BMP1: variants seen among roughly 807,000 people sequenced by gnomAD.
BMP1 encodes mammalian tolloid protein.
A neutral mutation model predicts 116.8 loss-of-function variants in BMP1; 63 were observed. That is an observed-to-expected ratio of 0.54 (90% confidence interval 0.44 to 0.67). The LOEUF is 0.67. BMP1 is among the 30% of genes least tolerant of loss of function. The pLI is 0.00. For missense variants in BMP1, 1,183 were observed against 1,358.9 expected, an observed-to-expected ratio of 0.87 and a Z score of 2.04; for synonymous variants, 536 against 533.4, an observed-to-expected ratio of 1.00 and a Z score of -0.07.
intron 2 of BMP1, among the ~76,000 whole-genome samples, chr8:22,174,332 T>C (rs913420441): frequency 1.3e-5 from 2 of 152,224 alleles, no homozygotes; most frequent in African/African-American, 4.8e-5. Flanking sequence ...TCACACCATA[T>C]TGAAAGGATT....
At chr8:22,196,474 C>T (rs941091430) in intron 13 of BMP1, 5 of 649,024 alleles carry the variant, frequency 7.7e-6, no homozygotes, top group Non-Finnish European at 8.1e-6. Flanking sequence ...CTTAGCTCCC[C>T]CACTCCTCCC....
intron 8 of BMP1, among the ~76,000 whole-genome samples, chr8:22,182,216 G>C (rs752186201): frequency 6.6e-6 from 1 of 152,202 alleles, no homozygotes; most frequent in Non-Finnish European, 1.5e-5. Flanking sequence ...TTTTGAATCA[G>C]AATTTCACCA....
chr8:22,205,298 G>C (rs1829332005), intron 16 of BMP1, among the ~76,000 whole-genome samples: 1 of 152,180 alleles, frequency 6.6e-6, no homozygotes, highest in Non-Finnish European at 1.5e-5. Context: ...TGGTCTGGGG[G>C]CCCAGGTGAG....
rs764280240 is a variant in BMP1, at chr8:22,209,675, G to C, written c.2806G>C (p.Gly936Arg). 6.2e-7 allele frequency: 1 copy of C among 1,613,946 alleles called. No homozygotes were observed. The highest frequency in any genetic ancestry group is 1.7e-5 in the Admixed American group (1 of 60,024). ...DGYDSTAPRLGRYCGSGPPEE... is the reference protein window; with the variant it reads ...DGYDSTAPRLRRYCGSGPPEE... The stretch of plus-strand genomic sequence containing the variant: ...CTACGACAGCACAGCCCCCAGGCTG[G>C]GGCGCTACTGTGGCTCAGGGGTGAG... The change falls in exon 19 of 20, where the codon GGG (glycine) becomes CGG (arginine). Residue 936 changes from glycine to arginine, a missense_variant. This residue lies in a region of BMP1 where 956 missense variants were observed against 1,135.2 expected (regional missense o/e 0.84). Coordinates refer to ENST00000306385, the MANE Select transcript of BMP1 (RefSeq NM_006129.5).
At chr8:22,169,352 G>T (rs1828210931) in intron 1 of BMP1, 1 of 152,278 alleles carries the variant, frequency 6.6e-6, no homozygotes. Context: ...TCTCACACAA[G>T]TGCATCCCTG....
intron 9 of BMP1, chr8:22,192,445 A>G: frequency 6.8e-6 from 2 of 294,458 alleles, no homozygotes; most frequent in Non-Finnish European, 6.5e-6. Flanking sequence ...GAATTGACTG[A>G]GAGAGACAGA....
chr8:22,185,568 G>A (rs191824325), intron 8 of BMP1, among the ~76,000 whole-genome samples: 9 of 152,190 alleles, frequency 5.9e-5, no homozygotes, highest in Non-Finnish European at 1.0e-4. Flanking sequence ...GGCAATATCC[G>A]CCCTCATTCC....
intron 8 of BMP1, among the ~76,000 whole-genome samples, chr8:22,181,819 T>C (rs1288954608): frequency 6.6e-6 from 1 of 152,204 alleles, no homozygotes; most frequent in Non-Finnish European, 1.5e-5. Flanking sequence ...GCTTCCAAAG[T>C]GCTGGGATTA....
chr8:22,186,191 G>A (rs1009956789), intron 8 of BMP1, among the ~76,000 whole-genome samples: 1 of 152,122 alleles, frequency 6.6e-6, no homozygotes, highest in Admixed American at 6.5e-5. Context: ...AGGCCAAAGG[G>A]ATCCCTCCCT....
intron 19 of BMP1, 75 bp from the exon 20 acceptor site, chr8:22,211,519 T>C: frequency 1.3e-6 from 2 of 1,597,582 alleles, no homozygotes; most frequent in African/African-American, 1.3e-5. Flanking sequence ...CCTTCAAAGC[T>C]GGGGATCTTG....
intron 15 of BMP1, chr8:22,199,095 C>G: frequency 7.3e-7 from 1 of 1,367,124 alleles, no homozygotes; most frequent in African/African-American, 1.5e-5. Context: ...ATGCCCTGGT[C>G]GACACTGTGC....
chr8:22,209,641 CT>C lies in BMP1; in HGVS notation c.2774del (p.Phe925SerfsTer32), dbSNP rs1284489332. 4 of 1,614,136 alleles carry C rather than the reference CT, an allele frequency of 2.5e-6. No homozygotes were observed. The highest frequency in any genetic ancestry group is 3.4e-6 in the Non-Finnish European group (4 of 1,180,024). On this transcript the variant is annotated frameshift_variant, in exon 19 of 20. Transcript: ENST00000306385. LOFTEE classifies it high-confidence loss of function. Reference sequence around the variant, plus strand: ...ACTGCGGCTATGACTACATGGAGCTCTTCGACGGCTACGACAGCACAGCCCC... The same window carrying C: ...ACTGCGGCTATGACTACATGGAGCTCTCGACGGCTACGACAGCACAGCCCC... ...TDCGYDYMEL[F>X]DGYDSTAPRL...
At chr8:22,201,320 C>A in intron 15 of BMP1, 5 of 1,506,830 alleles carry the variant, frequency 3.3e-6, no homozygotes, top group Non-Finnish European at 4.4e-6. Context: ...CGGCCCACCT[C>A]CCTCTGGCCG....
chr8:22,210,028 G>T (rs936484131), intron 19 of BMP1, among the ~76,000 whole-genome samples: 3 of 152,256 alleles, frequency 2.0e-5, no homozygotes, highest in African/African-American at 7.2e-5. Context: ...CTCCCCCAAG[G>T]CAGCCCACCA....
At position 22,176,126 on chromosome 8, in the gene BMP1, A is replaced by G. The variant is rs781101715; in HGVS notation, c.263-17A>G. 1.2e-6 allele frequency: 2 copies of G among 1,613,464 alleles called. No individual in the cohort carries two copies. The highest frequency in any genetic ancestry group is 1.7e-5 in the Admixed American group (1 of 60,004). On this transcript the variant is annotated splice_polypyrimidine_tract_variant and intron_variant, in intron 2 of 19. Transcript: ENST00000306385. Reference sequence around the variant, plus strand: ...TCTTTCTCTCCACTCACTAGTCACCATGACTTCCTCTCTCAGTTCCAGGAA... The same window carrying G: ...TCTTTCTCTCCACTCACTAGTCACCGTGACTTCCTCTCTCAGTTCCAGGAA...
In BMP1 at chr8:22,194,421, C is replaced by T. The variant is rs777752699; in HGVS notation, c.1298-24C>T. The T allele has an allele frequency of 1.2e-6, 2 of 1,613,348 alleles. No individual in the cohort carries two copies. The highest frequency in any genetic ancestry group is 8.5e-7 in the Non-Finnish European group (1 of 1,179,552). ...AAGCATGCTGACTCACCACCCCTTC[C>T]CACCCCATCCTGTGTCCCCACAGCC... On this transcript the variant is annotated intron_variant, in intron 10 of 19. Transcript: ENST00000306385. This position sits in a 1 kb window ranked among gnomAD's most constrained non-coding sequence, Gnocchi z 4.5.
chr8:22,201,744 G>C, intron 15 of BMP1, 59 bp from the exon 16 acceptor site: 1 of 1,602,118 alleles, frequency 6.2e-7, no homozygotes, highest in Non-Finnish European at 8.5e-7. Context: ...CTTCCCCTGG[G>C]GCATCCCAAC....
At chr8:22,189,995 A>T (rs1828885061) in intron 8 of BMP1, among the ~76,000 whole-genome samples, 1 of 152,104 alleles carries the variant, frequency 6.6e-6, no homozygotes, top group South Asian at 2.1e-4. Flanking sequence ...ATCTAGGCTC[A>T]CTGCAACCTC....
intron 2 of BMP1, among the ~76,000 whole-genome samples, chr8:22,175,930 A>G (rs1303416996): frequency 6.6e-6 from 1 of 152,230 alleles, no homozygotes; most frequent in Non-Finnish European, 1.5e-5. Flanking sequence ...AGCTGGGAAC[A>G]TGCATGTTGG....
Sources: allele counts gnomAD v4.1 joint callset (sites outside exome capture counted in the v4.1 genomes callset), GRCh38; gene constraint gnomAD v4.1.1; regional missense constraint gnomAD v4.1.1; non-coding constraint Gnocchi (gnomAD v3.1); transcripts MANE v1.5; gene names NCBI Gene and HGNC (gene_info 2026-07-23, HGNC 2026-07-21).